PTPRQ: variants seen among roughly 807,000 people sequenced by gnomAD.
The protein encoded by PTPRQ is protein tyrosine phosphatase receptor type Q, also known as phosphatidylinositol phosphatase PTPRQ.
Under a neutral mutation model 246.0 loss-of-function variants are expected in PTPRQ, and 199 were observed. That is an observed-to-expected ratio of 0.81 (90% CI 0.72 to 0.91). PTPRQ has a LOEUF of 0.91. PTPRQ is among the 40% of genes least tolerant of loss of function. PTPRQ has a pLI of 0.00. For missense variants in PTPRQ, 2,624 were observed against 2,528.4 expected, an observed-to-expected ratio of 1.04 and a Z score of -0.81; for synonymous variants, 869 against 853.2, an observed-to-expected ratio of 1.02 and a Z score of -0.32.
chr12:80,626,143 T>C (rs1483583196), intron 33 of PTPRQ, among the ~76,000 whole-genome samples: 1 of 152,154 alleles, frequency 6.6e-6, no homozygotes, highest in Non-Finnish European at 1.5e-5. Context: ...GGAGTTGCTA[T>C]GTATCTTTTG....
chr12:80,597,602 T>G (rs1200399527), intron 26 of PTPRQ, among the ~76,000 whole-genome samples: 3 of 152,028 alleles, frequency 2.0e-5, no homozygotes, highest in East Asian at 1.9e-4. Context: ...TTCAATCCCC[T>G]TTTCCAATCC....
intron 23 of PTPRQ, among the ~76,000 whole-genome samples, chr12:80,545,446 T>A (rs1896274357): frequency 6.6e-6 from 1 of 152,144 alleles, no homozygotes; most frequent in Non-Finnish European, 1.5e-5. Context: ...GTTTATATTT[T>A]GTCAGATATA....
At chr12:80,625,622 G>A (rs983619306) in intron 33 of PTPRQ, among the ~76,000 whole-genome samples, 2 of 152,116 alleles carry the variant, frequency 1.3e-5, no homozygotes, top group Non-Finnish European at 2.9e-5. Flanking sequence ...AGGGACTAAT[G>A]AAAGTACAAG....
chr12:80,518,505 C>A (rs184917828), intron 17 of PTPRQ, among the ~76,000 whole-genome samples: 2 of 151,826 alleles, frequency 1.3e-5, no homozygotes, highest in Non-Finnish European at 2.9e-5. Flanking sequence ...CCTGTTTGTC[C>A]GTTTTTGCTT....
chr12:80,587,538 C>A (rs1436994897), intron 25 of PTPRQ, among the ~76,000 whole-genome samples: 1 of 151,976 alleles, frequency 6.6e-6, no homozygotes, highest in African/African-American at 2.4e-5. Context: ...ATTTGGCAAA[C>A]CTGTAGTTAG....
intron 35 of PTPRQ, among the ~76,000 whole-genome samples, chr12:80,647,454 G>A (rs1900112466): frequency 6.6e-6 from 1 of 152,100 alleles, no homozygotes. Flanking sequence ...TGGGCAACAA[G>A]TTATCTTAAG....
In PTPRQ at chr12:80,486,806, C is replaced by T. The variant is rs117322823; in HGVS notation, c.1359+2201C>T. Among the ~76,000 whole-genome samples the T allele has an allele frequency of 3.1e-3, 466 of 152,234 alleles. 1 individual carries two copies. Among genetic ancestry groups the T allele is most frequent in the Non-Finnish European group, 3.9e-3 (268 of 68,006 alleles). On this transcript the variant is annotated intron_variant, in intron 9 of 44. Transcript: ENST00000644991. ...AGTCACCAGTGACCTCCCCAGTGTG[C>T]AACACAAGAATTAAATATTTTTAAC...
At chr12:80,520,103 T>G (rs922277404) in intron 17 of PTPRQ, among the ~76,000 whole-genome samples, 4 of 152,102 alleles carry the variant, frequency 2.6e-5, no homozygotes, top group African/African-American at 9.7e-5. Context: ...TGGTATCTTA[T>G]TGTCACGAAC....
At chr12:80,487,906 C>G (rs1894329381) in intron 9 of PTPRQ, among the ~76,000 whole-genome samples, 1 of 152,030 alleles carries the variant, frequency 6.6e-6, no homozygotes, top group Admixed American at 6.6e-5. Context: ...TGGTTCTCCT[C>G]TTAGAGTCTC....
chr12:80,489,399 G>A (rs1184932492), intron 9 of PTPRQ, among the ~76,000 whole-genome samples: 1 of 151,890 alleles, frequency 6.6e-6, no homozygotes, highest in Admixed American at 6.6e-5. Flanking sequence ...AAGATCACAT[G>A]AGTAAAAGTA....
chr12:80,484,346 T>C lies in PTPRQ; in HGVS notation c.1187-87T>C, dbSNP rs1894197224. ...ATAGAATTGTTTATATATCTTAAATTGTGAACTAAGAATTTAGGCACTTTT... is the reference window on the plus strand; with the variant it reads ...ATAGAATTGTTTATATATCTTAAATCGTGAACTAAGAATTTAGGCACTTTT... On this transcript the variant is annotated intron_variant, in intron 8 of 44. Coordinates refer to ENST00000644991, the MANE Select transcript of PTPRQ (RefSeq NM_001145026.2). The C allele has an allele frequency of 1.1e-5, 16 of 1,406,886 alleles. No homozygotes were observed. In the South Asian group the frequency reaches 2.0e-4, roughly 17 times the overall value. The allele number at this position is 1,406,886 out of a possible 1,614,324, so 87.2% of individuals were successfully genotyped here.
intron 25 of PTPRQ, among the ~76,000 whole-genome samples, chr12:80,551,576 C>T (rs1165108417): frequency 2.0e-5 from 3 of 152,046 alleles, no homozygotes; most frequent in Non-Finnish European, 2.9e-5. Flanking sequence ...AAAGTTTAGA[C>T]GTGTCAAGTT....
intron 42 of PTPRQ, 112 bp from the exon 43 acceptor site, chr12:80,673,057 A>T: frequency 7.1e-7 from 1 of 1,409,156 alleles, no homozygotes; most frequent in Non-Finnish European, 9.3e-7. Context: ...CTGCCTCCAA[A>T]TAAGAGAAGA....
intron 23 of PTPRQ, among the ~76,000 whole-genome samples, chr12:80,545,102 G>T (rs578005305): frequency 1.3e-5 from 2 of 152,018 alleles, no homozygotes; most frequent in Non-Finnish European, 2.9e-5. Flanking sequence ...TTGTTTCTCT[G>T]GTTTTTAGCC....
rs139018049 is a variant in PTPRQ at position 80,483,925 on chromosome 12, T to A, written c.1187-508T>A. Among the ~76,000 whole-genome samples, 1,152 of 152,284 alleles carry A rather than the reference T, an allele frequency of 7.6e-3. 14 individuals are homozygous for A. Among genetic ancestry groups the A allele is most frequent in the African/African-American group, 0.026 (1,097 of 41,558 alleles). On this transcript the variant is annotated intron_variant, in intron 8 of 44. Coordinates refer to ENST00000644991, the MANE Select transcript of PTPRQ (RefSeq NM_001145026.2). ...CAAAGGACATGACCTCATCCTTTTT[T>A]TAAGACTTATTTAATTTTTAACAAA...
At chr12:80,450,740 T>G (rs560985989) in intron 3 of PTPRQ, among the ~76,000 whole-genome samples, 146 of 152,014 alleles carry the variant, frequency 9.6e-4, no homozygotes, top group South Asian at 3.7e-3. Context: ...ACTTGATCAT[T>G]GTGGATAAGC....
At position 80,496,092 on chromosome 12, in the gene PTPRQ, G is replaced by C; in HGVS notation, c.1976G>C (p.Arg659Thr). Residue 659 changes from arginine to threonine, a missense_variant, in exon 13 of 45, where the codon AGA (arginine) becomes ACA (threonine). Coordinates refer to ENST00000644991, the MANE Select transcript of PTPRQ (RefSeq NM_001145026.2). ...TCTGAAGAAAATGACATCTTTGTGA[G>C]AACTTCAGAAGATGGTAAGAATATC... is the stretch of plus-strand genomic sequence containing the variant. ...SLSEENDIFV[R>T]TSEDEPESSP... The C allele has an allele frequency of 1.3e-6, 2 of 1,548,600 alleles. No homozygotes were observed. The highest frequency in any genetic ancestry group is 1.7e-6 in the Non-Finnish European group (2 of 1,145,962).
At chr12:80,533,593 G>A (rs2120803848) in intron 17 of PTPRQ, among the ~76,000 whole-genome samples, 1 of 151,922 alleles carries the variant, frequency 6.6e-6, no homozygotes, top group South Asian at 2.1e-4. Context: ...TGTTACTTTT[G>A]TACGATATTT....
intron 39 of PTPRQ, among the ~76,000 whole-genome samples, chr12:80,661,126 C>G (rs2121258732): frequency 6.6e-6 from 1 of 151,754 alleles, no homozygotes; most frequent in Middle Eastern, 3.4e-3. Flanking sequence ...TTATATACAT[C>G]ATTTACAAGG....
Sources: gnomAD v4.1 joint callset for allele counts (sites outside exome capture counted in the v4.1 genomes callset) on GRCh38, gnomAD v4.1.1 for gene constraint, MANE v1.5 for transcripts, NCBI Gene and HGNC (gene_info 2026-07-23, HGNC 2026-07-21) for gene names.